Variants in NLRC3 observed in about 807,000 individuals in gnomAD.
NLRC3 encodes NLR family CARD domain containing 3, also known as NLR family CARD domain-containing protein 3.
A neutral mutation model predicts 91.6 loss-of-function variants in NLRC3; 87 were observed. The ratio of observed to expected loss-of-function variants is 0.95; its 90% CI spans 0.80 to 1.14. The LOEUF (loss-of-function observed/expected upper bound fraction) is 1.14. Ranked by LOEUF, NLRC3 falls within the 50% of genes most tolerant of loss-of-function variation. NLRC3 has a pLI of 0.00. For missense variants in NLRC3, 1,577 were observed against 1,418.6 expected, an observed-to-expected ratio of 1.11 and a Z score of -1.79; for synonymous variants, 694 against 625.3, an observed-to-expected ratio of 1.11 and a Z score of -1.64.
At chr16:3,548,602 T>G in intron 14 of NLRC3, 68 bp downstream of exon 14, 9 of 1,176,194 alleles carry the variant, frequency 7.7e-6, no homozygotes, top group Non-Finnish European at 9.8e-6. Context: ...CTGTGCATCG[T>G]TGGTTTGGGT....
Position 3,542,178 on chromosome 16 carries a change from CA to C in NLRC3, c.3107+12del. ...CAGTTCTAAGGGTGAGCAGGAAGGG[CA>C]GGTGCACTCACTTGATATGCTGGAG... On this transcript the variant is annotated intron_variant, in intron 19 of 19. Coordinates refer to ENST00000359128, the MANE Select transcript of NLRC3 (RefSeq NM_178844.4). 1 of 1,547,398 alleles carries C rather than the reference CA, an allele frequency of 6.5e-7. No homozygotes were observed. Among genetic ancestry groups the C allele is most frequent in the Non-Finnish European group, 8.8e-7 (1 of 1,136,116 alleles).
intron 6 of NLRC3, among the ~76,000 whole-genome samples, chr16:3,559,341 G>A (rs1481219001): frequency 6.6e-6 from 1 of 152,110 alleles, no homozygotes; most frequent in Non-Finnish European, 1.5e-5. Flanking sequence ...GAGATTTTTG[G>A]CTTCATTCAG....
chr16:3,549,622 T>TG, intron 12 of NLRC3, 75 bp downstream of exon 12: 1 of 1,126,142 alleles, frequency 8.9e-7, no homozygotes, highest in Non-Finnish European at 1.3e-6. Flanking sequence ...GAGACAGGCT[T>TG]CCCAGTGCCA....
At chr16:3,571,383 C>CAA (rs111740606) in intron 1 of NLRC3, among the ~76,000 whole-genome samples, 25 of 138,998 alleles carry the variant, frequency 1.8e-4, no homozygotes, top group South Asian at 1.6e-3. Flanking sequence ...ACCATCTCTA[C>CAA]AAAAAAAAAA....
In NLRC3 at chr16:3,565,961, G is replaced by A. The variant is rs1043925444; in HGVS notation, c.-86-581C>T. On this transcript the variant is annotated intron_variant, in intron 2 of 19. Coordinates refer to ENST00000359128, the MANE Select transcript of NLRC3 (RefSeq NM_178844.4). ...AGGCCAAGGCAGCAGGATCGCTTGA[G>A]CCCAGGAGGTCAAAGCTGCAGTGAG... 1.1e-4 allele frequency among the ~76,000 whole-genome samples: 16 copies of A among 151,844 alleles called. No homozygotes were observed. In the East Asian group the frequency reaches 1.5e-3, roughly 15 times the overall value.
In NLRC3 at chr16:3,540,719, C is replaced by G. The variant is rs1430758604; in HGVS notation, c.*1106G>C. ...TTGGGAGGCCGAGGCAGGAGAATCA[C>G]TGGAACCCATGAGGTAGAGCCTACA... On this transcript the variant is annotated 3_prime_UTR_variant, in exon 20 of 20. Transcript: ENST00000359128. 6.6e-6 allele frequency: 1 copy of G among 152,250 alleles called. No individual in the cohort carries two copies. Among genetic ancestry groups the G allele is most frequent in the East Asian group, 1.9e-4 (1 of 5,202 alleles). The allele number at this position is 152,250 out of a possible 1,614,324, so 9.4% of individuals were successfully genotyped here. A position where few individuals can be genotyped will look rare whatever the true frequency, so the allele number is the denominator to read the frequency against.
At chr16:3,550,353 G>A (rs946051941) in intron 11 of NLRC3, 61 bp downstream of exon 11, 19 of 1,137,508 alleles carry the variant, frequency 1.7e-5, no homozygotes, top group African/African-American at 1.1e-4. Flanking sequence ...CAGGACTGCC[G>A]GCCCACTATC....
intron 1 of NLRC3, among the ~76,000 whole-genome samples, chr16:3,573,409 A>G (rs762700183): frequency 9.9e-5 from 15 of 152,226 alleles, no homozygotes; most frequent in Non-Finnish European, 1.8e-4. Flanking sequence ...CCTGAGTGAT[A>G]GAGCAAGACC....
chr16:3,547,583 T>A (rs1420491287), intron 15 of NLRC3, among the ~76,000 whole-genome samples: 1 of 152,134 alleles, frequency 6.6e-6, no homozygotes, highest in African/African-American at 2.4e-5. Flanking sequence ...TATGTATATA[T>A]GTGTATGTAC....
Position 3,550,462 on chromosome 16 carries a change from T to G in NLRC3, c.2387A>C (p.Lys796Thr). ...SSNSIGDGGA[K>T]ALAEALKVNQ... ...CACCTTCAGGGCCTCAGCCAGGGCC[T>G]TGGCACCTCCATCACCAATACTATT... The change falls in exon 11 of 20, where the codon AAG (lysine) becomes ACG (threonine). Residue 796 changes from lysine to threonine, a missense_variant. Coordinates refer to ENST00000359128, the MANE Select transcript of NLRC3 (RefSeq NM_178844.4). 6.2e-7 allele frequency: 1 copy of G among 1,613,634 alleles called. No homozygotes were observed. The highest frequency in any genetic ancestry group is 1.3e-5 in the African/African-American group (1 of 75,042).
At chr16:3,552,543 T>C (rs1174275066) in intron 9 of NLRC3, among the ~76,000 whole-genome samples, 1 of 152,194 alleles carries the variant, frequency 6.6e-6, no homozygotes, top group Non-Finnish European at 1.5e-5. Flanking sequence ...GTGCTGATAA[T>C]GCCCAGCAAC....
At chr16:3,559,643 CTT>C (rs71392843) in intron 6 of NLRC3, among the ~76,000 whole-genome samples, 4 of 134,378 alleles carry the variant, frequency 3.0e-5, no homozygotes, top group African/African-American at 2.7e-5. Context: ...TTTTTTTTTT[CTT>C]TTTTTTTTTT....
rs766719513 is a variant in NLRC3 at position 3,554,292 on chromosome 16, G to A, written c.2217C>T (p.Ala739=). The change falls in exon 9 of 20, where the codon GCC becomes GCT. Residue 739 remains alanine (A), a synonymous_variant. Coordinates refer to ENST00000359128, the MANE Select transcript of NLRC3 (RefSeq NM_178844.4). The part of the protein sequence containing the change: ...LQGNTVRDDG[A]RSMAEALASN... Reference sequence around the variant, plus strand: ...AGGCCAAGGCCTCAGCCATGGACCTGGCACCATCATCCCTAACGGTGTTGC... The same window carrying A: ...AGGCCAAGGCCTCAGCCATGGACCTAGCACCATCATCCCTAACGGTGTTGC... The A allele has an allele frequency of 1.9e-6, 3 of 1,613,866 alleles. No homozygotes were observed. The East Asian group carries it at 6.7e-5, about 36-fold the overall frequency.
In NLRC3 at chr16:3,564,417, C is replaced by T. The variant is rs1248036840; in HGVS notation, c.520G>A (p.Val174Met). 3.1e-6 allele frequency: 5 copies of T among 1,612,744 alleles called. No homozygotes were observed. The highest frequency in any genetic ancestry group is 4.2e-6 in the Non-Finnish European group (5 of 1,179,880). Residue 174 changes from valine to methionine, a missense_variant, in exon 5 of 20, where the codon GTG (valine) becomes ATG (methionine). By Grantham distance (21) the Val-to-Met change is conservative. Transcript: ENST00000359128. The surrounding 1 kb of genome is among the most constrained non-coding windows in gnomAD (Gnocchi z 5.9). Reference protein sequence around the residue: ...HGQVGKDFSLVLPLTFRDLNT... With the variant: ...HGQVGKDFSLMLPLTFRDLNT... ...AGATCCCGGAAGGTCAGAGGCAGCA[C>T]CAGCGAGAAGTCCTTGCCGACCTGC...
At chr16:3,551,401 C>T (rs1186883576) in intron 10 of NLRC3, among the ~76,000 whole-genome samples, 2 of 151,756 alleles carry the variant, frequency 1.3e-5, no homozygotes, top group Admixed American at 1.3e-4. Flanking sequence ...TCTCTACCCA[C>T]CCATCCACCC....
At position 3,562,823 on chromosome 16, in the gene NLRC3, A is replaced by G. The variant is rs199476278; in HGVS notation, c.1928+186T>C. ...AGCGCATGGCCCTCCTGGCACCTTG[A>G]TTTGAGACTTCTGGCCTCCAGAACT... On this transcript the variant is annotated intron_variant, in intron 5 of 19. Coordinates refer to ENST00000359128, the MANE Select transcript of NLRC3 (RefSeq NM_178844.4). 11 of 700,580 alleles carry G rather than the reference A, an allele frequency of 1.6e-5. No homozygotes were observed. The African/African-American group carries it at 1.6e-4, about 10-fold the overall frequency. The allele number at this position is 700,580 out of a possible 1,614,324, so 43.4% of individuals were successfully genotyped here.
In NLRC3 at chr16:3,563,224, C is replaced by T. The variant is rs1196641152; in HGVS notation, c.1713G>A (p.Leu571=). The T allele has an allele frequency of 6.2e-7, 1 of 1,603,092 alleles. No homozygotes were observed. The highest frequency in any genetic ancestry group is 8.5e-7 in the Non-Finnish European group (1 of 1,177,122). The change falls in exon 5 of 20, where the codon CTG becomes CTA. Residue 571 remains leucine (L), a synonymous_variant. Transcript: ENST00000359128. ...CCAGCTCGGTGTGCTGCAGCTCATG[C>T]AGGCAGTGCAACACGTTGATGGCCC... ...CARAINVLHC[L]HELQHTELAR... is the part of the protein sequence containing the mutation.
At chr16:3,557,565 A>AAGTTCGGCCTTG (rs749956169) in intron 7 of NLRC3, 28 bp downstream of exon 7, 1 of 1,497,310 alleles carries the variant, frequency 6.7e-7, no homozygotes, top group East Asian at 2.3e-5. Context: ...CCAATGGCAA[A>AAGTTCGGCCTTG]AGTTCGGCCT....
At chr16:3,554,639 G>A (rs2039203522) in intron 8 of NLRC3, among the ~76,000 whole-genome samples, 2 of 152,212 alleles carry the variant, frequency 1.3e-5, no homozygotes, top group African/African-American at 2.4e-5. Flanking sequence ...TGAGAATACA[G>A]AGAAACTGCA....
Sources: allele counts gnomAD v4.1 joint callset (sites outside exome capture counted in the v4.1 genomes callset), GRCh38; gene constraint gnomAD v4.1.1; non-coding constraint Gnocchi (gnomAD v3.1); transcripts MANE v1.5; gene names NCBI Gene and HGNC (gene_info 2026-07-23, HGNC 2026-07-21).